Variants in NAALADL2 observed in about 807,000 individuals in gnomAD.
NAALADL2 encodes the protein N-acetylated alpha-linked acidic dipeptidase like 2.
A neutral mutation model predicts 87.2 loss-of-function variants in NAALADL2; 76 were observed. That is an observed-to-expected ratio of 0.87 (90% confidence interval 0.72 to 1.05). The LOEUF (loss-of-function observed/expected upper bound fraction) is 1.05, where lower values mean the gene tolerates loss of function less well. Ranked by LOEUF, NAALADL2 falls within the 50% of genes least tolerant of loss-of-function variation. NAALADL2 has a pLI of 0.00. For synonymous variants in NAALADL2, 354 were observed against 331.0 expected (o/e 1.07, Z -0.75); for missense variants, 1,089 against 945.8 (o/e 1.15, Z -1.99).
chr3:174,750,529 G>A (rs930661715), intron 3 of NAALADL2, among the ~76,000 whole-genome samples: 2 of 152,046 alleles, frequency 1.3e-5, no homozygotes, highest in South Asian at 2.1e-4. Context: ...CTGCCAGGGG[G>A]TTCAAGTGAT....
In NAALADL2 at chr3:175,057,790, T is replaced by C. The variant is rs188911809; in HGVS notation, c.44-39000T>C. On this transcript the variant is annotated intron_variant, in intron 1 of 13. Coordinates refer to ENST00000454872, the MANE Select transcript of NAALADL2 (RefSeq NM_207015.3). ...AAATCCAAGTTATCAATGACTTCAA[T>C]GTAAACGGGACTTTCCATAGTTAAT... Among the ~76,000 whole-genome samples, 94 of 152,342 alleles carry C rather than the reference T, an allele frequency of 6.2e-4. 1 individual carries two copies. The highest frequency in any genetic ancestry group is 6.0e-3 in the Admixed American group (91 of 15,294).
chr3:174,747,909 C>G (rs950075237), intron 3 of NAALADL2, among the ~76,000 whole-genome samples: 3 of 152,132 alleles, frequency 2.0e-5, no homozygotes, highest in African/African-American at 7.2e-5. Context: ...ATAGACTCAA[C>G]CCAAATGCCC....
intron 2 of NAALADL2, among the ~76,000 whole-genome samples, chr3:175,123,704 C>T (rs1013629732): frequency 6.6e-6 from 1 of 151,858 alleles, no homozygotes; most frequent in Non-Finnish European, 1.5e-5. Flanking sequence ...ACATATTAAT[C>T]TTTCAAGAGT....
intron 1 of NAALADL2, among the ~76,000 whole-genome samples, chr3:174,503,970 G>C (rs1719054310): frequency 6.6e-6 from 1 of 151,960 alleles, no homozygotes; most frequent in Non-Finnish European, 1.5e-5. Context: ...TAGAGGCCCA[G>C]CTTCACCTGG....
intron 2 of NAALADL2, among the ~76,000 whole-genome samples, chr3:174,585,050 T>A (rs183541892): frequency 2.4e-4 from 36 of 152,192 alleles, no homozygotes; most frequent in Admixed American, 2.4e-3. Context: ...AAGCTCTTTT[T>A]ATCTGTATAT....
chr3:174,962,053 C>A (rs1323936113), intron 1 of NAALADL2, among the ~76,000 whole-genome samples: 1 of 151,902 alleles, frequency 6.6e-6, no homozygotes, highest in Non-Finnish European at 1.5e-5. Context: ...CACTCTCTAC[C>A]TCTCTTCATT....
At chr3:175,142,129 A>C (rs1330345018) in intron 2 of NAALADL2, among the ~76,000 whole-genome samples, 1 of 152,084 alleles carries the variant, frequency 6.6e-6, no homozygotes, top group Admixed American at 6.6e-5. Context: ...TTGAAAAATA[A>C]TATTTTGTAG....
chr3:175,776,810 T>C (rs1252122243), intron 13 of NAALADL2, among the ~76,000 whole-genome samples: 2 of 152,104 alleles, frequency 1.3e-5, no homozygotes, highest in Non-Finnish European at 2.9e-5. Context: ...ATGAGGCACA[T>C]ATCTGAAGGT....
chr3:175,325,924 C>T (rs1479576730), intron 5 of NAALADL2, among the ~76,000 whole-genome samples: 1 of 152,158 alleles, frequency 6.6e-6, no homozygotes, highest in Non-Finnish European at 1.5e-5. Context: ...TAGTGGCACC[C>T]TTTCTTTCTT....
At chr3:174,782,320 A>G (rs1298663723) in intron 3 of NAALADL2, among the ~76,000 whole-genome samples, 1 of 152,160 alleles carries the variant, frequency 6.6e-6, no homozygotes, top group African/African-American at 2.4e-5. Context: ...TGTGTGTTTT[A>G]ATAGAGTAAT....
intron 3 of NAALADL2, among the ~76,000 whole-genome samples, chr3:174,819,208 G>A (rs955230395): frequency 2.0e-5 from 3 of 150,752 alleles, no homozygotes; most frequent in African/African-American, 7.3e-5. Context: ...GGGACCAAAG[G>A]CACATGCCAC....
At chr3:174,518,775 T>C (rs1720085621) in intron 1 of NAALADL2, among the ~76,000 whole-genome samples, 3 of 152,216 alleles carry the variant, frequency 2.0e-5, no homozygotes, top group Admixed American at 2.0e-4. Context: ...AGAAGATAGG[T>C]AAACCATTAA....
intron 1 of NAALADL2, among the ~76,000 whole-genome samples, chr3:174,971,665 C>CTGTGTGTGTGTGTG (rs10662918): frequency 2.2e-4 from 32 of 144,814 alleles, no homozygotes; most frequent in African/African-American, 5.2e-4. Flanking sequence ...GTATGCTAGA[C>CTGTGTGTGTGTGTG]TGTGTGTGTG....
At chr3:174,502,925 A>G (rs1315832163) in intron 1 of NAALADL2, among the ~76,000 whole-genome samples, 1 of 151,882 alleles carries the variant, frequency 6.6e-6, no homozygotes, top group Admixed American at 6.6e-5. Flanking sequence ...GCTACTCAGG[A>G]GGCAGAGGCA....
intron 1 of NAALADL2, among the ~76,000 whole-genome samples, chr3:174,474,865 A>G (rs1457764538): frequency 6.6e-6 from 1 of 152,142 alleles, no homozygotes; most frequent in Non-Finnish European, 1.5e-5. Context: ...AGTGCCTAGC[A>G]GTTTATTCCA....
intron 4 of NAALADL2, among the ~76,000 whole-genome samples, chr3:175,322,782 T>C (rs1270552453): frequency 6.8e-6 from 1 of 147,314 alleles, no homozygotes; most frequent in South Asian, 2.1e-4. Context: ...TCAAAACCAC[T>C]ATGAGATACC....
At chr3:175,300,312 T>C (rs1427443340) in intron 4 of NAALADL2, among the ~76,000 whole-genome samples, 1 of 152,312 alleles carries the variant, frequency 6.6e-6, no homozygotes. Flanking sequence ...ATAAAACGAG[T>C]TAGGGAGGAT....
intron 11 of NAALADL2, among the ~76,000 whole-genome samples, chr3:175,727,801 A>C (rs1186498919): frequency 6.6e-6 from 1 of 152,176 alleles, no homozygotes; most frequent in African/African-American, 2.4e-5. Context: ...CCTCCTAAGC[A>C]TTCCACCAAA....
intron 1 of NAALADL2, among the ~76,000 whole-genome samples, chr3:175,044,391 T>C (rs1024654741): frequency 6.6e-6 from 1 of 152,178 alleles, no homozygotes; most frequent in Non-Finnish European, 1.5e-5. Context: ...TTGATATTTG[T>C]GTTGCTTTTG....
Sources: allele counts gnomAD v4.1 joint callset (sites outside exome capture counted in the v4.1 genomes callset), GRCh38; gene constraint gnomAD v4.1.1; transcripts MANE v1.5; gene names NCBI Gene and HGNC (gene_info 2026-07-23, HGNC 2026-07-21).